Variants in FOXP2 observed in about 807,000 individuals in gnomAD.
FOXP2 encodes the protein forkhead box P2.
A neutral mutation model predicts 115.8 loss-of-function variants in FOXP2; 12 were observed. The observed-to-expected ratio is 0.10, with a 90% CI of 0.07 to 0.17. The LOEUF (loss-of-function observed/expected upper bound fraction) is 0.17. Among genes scored for constraint, FOXP2 ranks in the 10% least tolerant of loss-of-function variants. The pLI, the probability that FOXP2 is intolerant of heterozygous loss-of-function variation, is 1.00. For missense variants in FOXP2, 629 were observed against 843.5 expected (o/e 0.75, Z 3.15); for synonymous variants, 328 against 297.7 (o/e 1.10, Z -1.05).
At chr7:114,330,024 T>C (rs930167432) in intron 2 of FOXP2, among the ~76,000 whole-genome samples, 7 of 152,170 alleles carry the variant, frequency 4.6e-5, no homozygotes, top group African/African-American at 1.7e-4. Flanking sequence ...GATAACTGTT[T>C]ATCATTTTCA....
intron 3 of FOXP2, among the ~76,000 whole-genome samples, chr7:114,570,426 A>T (rs898042457): frequency 1.3e-5 from 2 of 151,878 alleles, no homozygotes; most frequent in Admixed American, 6.6e-5. Context: ...AAAATTATTG[A>T]TGATTACATT....
chr7:114,523,112 A>G (rs1798700846), intron 2 of FOXP2, among the ~76,000 whole-genome samples: 1 of 151,990 alleles, frequency 6.6e-6, no homozygotes, highest in Non-Finnish European at 1.5e-5. Context: ...TCTTATCTTC[A>G]ATGAGCTTTG....
chr7:114,614,991 C>T (rs528443267), intron 3 of FOXP2, among the ~76,000 whole-genome samples: 3 of 152,020 alleles, frequency 2.0e-5, no homozygotes, highest in Admixed American at 6.6e-5. Context: ...GAGGCCGAGG[C>T]GGGCGGATCA....
chr7:114,193,298 G>C (rs1035658136), intron 1 of FOXP2, among the ~76,000 whole-genome samples: 2 of 151,938 alleles, frequency 1.3e-5, no homozygotes, highest in Non-Finnish European at 2.9e-5. Flanking sequence ...TTGTATTCGA[G>C]TTTCAAATTC....
At chr7:114,117,857 G>T (rs754988741) in intron 1 of FOXP2, among the ~76,000 whole-genome samples, 6 of 152,068 alleles carry the variant, frequency 3.9e-5, no homozygotes, top group Non-Finnish European at 8.8e-5. Context: ...CTTCTGGTTT[G>T]CAGACTGAAG....
intron 3 of FOXP2, among the ~76,000 whole-genome samples, chr7:114,613,171 A>AT (rs1055793198): frequency 6.6e-6 from 1 of 152,164 alleles, no homozygotes; most frequent in Non-Finnish European, 1.5e-5. Context: ...TGCATTTAGA[A>AT]TTTTTTTAAT....
At chr7:114,533,175 A>T (rs963339860) in intron 2 of FOXP2, among the ~76,000 whole-genome samples, 5 of 151,968 alleles carry the variant, frequency 3.3e-5, no homozygotes, top group African/African-American at 1.2e-4. Context: ...TGCTTTACAA[A>T]CTATGCCAGA....
chr7:114,352,078 G>A (rs1233774442), intron 2 of FOXP2, among the ~76,000 whole-genome samples: 1 of 151,772 alleles, frequency 6.6e-6, no homozygotes, highest in Non-Finnish European at 1.5e-5. Flanking sequence ...GACCAGCTGG[G>A]GCAACATGGC....
chr7:114,204,374 T>C (rs1379952672), intron 1 of FOXP2, among the ~76,000 whole-genome samples: 1 of 152,202 alleles, frequency 6.6e-6, no homozygotes, highest in African/African-American at 2.4e-5. Flanking sequence ...TTTCCAGTGC[T>C]TAAAAGCAAC....
chr7:114,181,146 T>A (rs1793444806), intron 1 of FOXP2, among the ~76,000 whole-genome samples: 1 of 151,870 alleles, frequency 6.6e-6, no homozygotes, highest in Non-Finnish European at 1.5e-5. Flanking sequence ...TTGTGTGCCT[T>A]GTGACCTTTG....
At chr7:114,108,903 A>G (rs1056749614) in intron 1 of FOXP2, among the ~76,000 whole-genome samples, 3 of 151,996 alleles carry the variant, frequency 2.0e-5, no homozygotes, top group Admixed American at 6.6e-5. Flanking sequence ...TATATCTAGC[A>G]ATATTTGTCT....
chr7:114,199,250 G>A (rs1793994287), intron 1 of FOXP2, among the ~76,000 whole-genome samples: 1 of 152,158 alleles, frequency 6.6e-6, no homozygotes, highest in Non-Finnish European at 1.5e-5. Flanking sequence ...TTGGTTGAAT[G>A]TCTGAGTAAA....
At chr7:114,331,735 T>G (rs1174087194) in intron 2 of FOXP2, among the ~76,000 whole-genome samples, 5 of 152,134 alleles carry the variant, frequency 3.3e-5, no homozygotes, top group Admixed American at 1.3e-4. Flanking sequence ...TGGCCCGATC[T>G]TGGCTTACTG....
chr7:114,204,652 G>A (rs76188203), intron 1 of FOXP2, among the ~76,000 whole-genome samples: 2,510 of 152,210 alleles, frequency 0.016, 84 homozygotes, highest in African/African-American at 0.056. Context: ...AAGGCATCAC[G>A]CACAATATTC....
rs573065196 is a variant in FOXP2 at position 114,479,058 on chromosome 7, G to A, written c.168+52379G>A. ...TATGGTGACCAATTTAAAATGTATCGCAAGTAATAAGGCATCATTTTTTTT... is the reference window on the plus strand; with the variant it reads ...TATGGTGACCAATTTAAAATGTATCACAAGTAATAAGGCATCATTTTTTTT... On this transcript the variant is annotated intron_variant, in intron 2 of 16. Transcript: ENST00000350908. 3.6e-3 allele frequency among the ~76,000 whole-genome samples: 550 copies of A among 151,464 alleles called. 4 individuals are homozygous for A. The highest frequency in any genetic ancestry group is 0.017 in the South Asian group (80 of 4,810).
chr7:114,142,361 G>GAA (rs1336591760), intron 1 of FOXP2, among the ~76,000 whole-genome samples: 2 of 152,020 alleles, frequency 1.3e-5, no homozygotes, highest in Non-Finnish European at 2.9e-5. Flanking sequence ...TTAAGCTTAG[G>GAA]AAGCACAAAT....
At chr7:114,323,317 T>C (rs759053301) in intron 2 of FOXP2, among the ~76,000 whole-genome samples, 6 of 152,134 alleles carry the variant, frequency 3.9e-5, no homozygotes, top group Admixed American at 6.5e-5. Flanking sequence ...CAGCAGTACA[T>C]TGCCTTTGTC....
chr7:114,478,327 G>A (rs796149554), intron 2 of FOXP2, among the ~76,000 whole-genome samples: 21 of 151,780 alleles, frequency 1.4e-4, no homozygotes, highest in African/African-American at 4.1e-4. Context: ...TTGTTTTTAC[G>A]TAGTACAATT....
At chr7:114,475,370 A>C in intron 2 of FOXP2, among the ~76,000 whole-genome samples, 1 of 152,188 alleles carries the variant, frequency 6.6e-6, no homozygotes, top group East Asian at 1.9e-4. Flanking sequence ...TGACTTATCA[A>C]AATTGCAAAT....
Sources: gnomAD v4.1 joint callset for allele counts (sites outside exome capture counted in the v4.1 genomes callset) on GRCh38, gnomAD v4.1.1 for gene constraint, MANE v1.5 for transcripts, NCBI Gene and HGNC (gene_info 2026-07-23, HGNC 2026-07-21) for gene names.